The following PKNOX2 variants were observed in gnomAD, a reference collection of about 807,000 sequenced individuals.
PKNOX2 encodes PBX/knotted 1 homeobox 2.
Under a neutral mutation model 53.1 loss-of-function variants are expected in PKNOX2, and 14 were observed. The ratio of observed to expected loss-of-function variants is 0.26; its 90% confidence interval spans 0.17 to 0.41. PKNOX2 has a LOEUF of 0.41. PKNOX2 is among the 10% of genes least tolerant of loss of function. The pLI is 1.00. For synonymous variants in PKNOX2, 257 were observed against 242.8 expected (o/e 1.06, Z -0.54); for missense variants, 496 against 602.8 (o/e 0.82, Z 1.85).
chr11:125,238,103 G>T (rs562698210), intron 2 of PKNOX2, among the ~76,000 whole-genome samples: 4 of 152,084 alleles, frequency 2.6e-5, no homozygotes, highest in Non-Finnish European at 5.9e-5. Flanking sequence ...TTTCTGACCC[G>T]GATGCAGCTA....
chr11:125,405,433 C>T (rs1955027017), intron 7 of PKNOX2, among the ~76,000 whole-genome samples: 1 of 152,164 alleles, frequency 6.6e-6, no homozygotes, highest in African/African-American at 2.4e-5. Context: ...AGCACGGTGG[C>T]TCACAGGGAC....
intron 1 of PKNOX2, among the ~76,000 whole-genome samples, chr11:125,208,939 C>G (rs1321715991): frequency 6.6e-6 from 1 of 151,932 alleles, no homozygotes; most frequent in Non-Finnish European, 1.5e-5. Context: ...GGCAGCTGCA[C>G]TGGAGTTGTG....
intron 1 of PKNOX2, among the ~76,000 whole-genome samples, chr11:125,202,427 C>T (rs1051000402): frequency 2.6e-5 from 4 of 152,228 alleles, no homozygotes; most frequent in Admixed American, 2.6e-4. Flanking sequence ...CTCTTTACCT[C>T]TCCCCTCAGA....
intron 6 of PKNOX2, among the ~76,000 whole-genome samples, chr11:125,396,574 A>C (rs1393185266): frequency 7.9e-6 from 1 of 126,208 alleles, no homozygotes; most frequent in Non-Finnish European, 1.6e-5. Flanking sequence ...ATAATGCAGA[A>C]ACTTTTAAAA....
chr11:125,244,164 CCCA>C, intron 2 of PKNOX2, among the ~76,000 whole-genome samples: 1 of 152,206 alleles, frequency 6.6e-6, no homozygotes, highest in East Asian at 1.9e-4. Context: ...GCAAATCACC[CCCA>C]CATTTCTGAG....
chr11:125,431,628 GC>G lies in PKNOX2; in HGVS notation c.*238del, dbSNP rs1956707565. On this transcript the variant is annotated 3_prime_UTR_variant, in exon 13 of 13. Transcript: ENST00000298282. ...ACTGCCGAGGACTCTGTTTGGCGGGGCCAGTCGAGCAGCCTGTGTGGAAAGA... is the reference window on the plus strand; with the variant it reads ...ACTGCCGAGGACTCTGTTTGGCGGGGCAGTCGAGCAGCCTGTGTGGAAAGA... The G allele has an allele frequency of 1.8e-6, 1 of 545,876 alleles. No individual in the cohort carries two copies. The highest frequency in any genetic ancestry group is 3.2e-5 in the Admixed American group (1 of 31,738). 33.8% of individuals were successfully genotyped at this position (545,876 alleles called of 1,614,324 possible). A position where few individuals can be genotyped will look rare whatever the true frequency, so the allele number is the denominator to read the frequency against.
chr11:125,374,680 C>T (rs1325237820), intron 5 of PKNOX2, among the ~76,000 whole-genome samples: 3 of 152,156 alleles, frequency 2.0e-5, no homozygotes, highest in African/African-American at 7.2e-5. Context: ...CCTCCCTGAC[C>T]TAGGTAGAGC....
intron 6 of PKNOX2, among the ~76,000 whole-genome samples, chr11:125,386,220 G>A (rs1953619606): frequency 6.6e-6 from 1 of 152,210 alleles, no homozygotes; most frequent in Non-Finnish European, 1.5e-5. Context: ...TGTTCATTCT[G>A]GGGACAGGGT....
intron 7 of PKNOX2, among the ~76,000 whole-genome samples, chr11:125,405,747 C>T (rs968250235): frequency 6.6e-6 from 1 of 152,196 alleles, no homozygotes; most frequent in Non-Finnish European, 1.5e-5. Flanking sequence ...CTCTGCCCCT[C>T]CTGAGAGGCT....
rs569797057 is a variant in PKNOX2 at position 125,271,453 on chromosome 11, A to G, written c.-130+36338A>G. Among the ~76,000 whole-genome samples the G allele has an allele frequency of 2.3e-3, 345 of 152,186 alleles. 1 individual carries two copies. The highest frequency in any genetic ancestry group is 9.1e-3 in the South Asian group (44 of 4,810). On this transcript the variant is annotated intron_variant, in intron 2 of 12. Transcript: ENST00000298282. ...GAATAGACTTCCTCCCATAATTTGC[A>G]CCGGGGTTTCTTCCCTACCTCCATC... is the stretch of plus-strand genomic sequence containing the variant.
At chr11:125,288,422 A>G (rs1242968983) in intron 2 of PKNOX2, among the ~76,000 whole-genome samples, 1 of 152,182 alleles carries the variant, frequency 6.6e-6, no homozygotes, top group African/African-American at 2.4e-5. Context: ...ACTCTTCTCC[A>G]TCACAAACAC....
rs1591570380 is a variant in PKNOX2, at chr11:125,428,957, G to A, written c.937-55G>A. 31 of 1,540,788 alleles carry A rather than the reference G, an allele frequency of 2.0e-5. No individual in the cohort carries two copies. In the South Asian group the frequency reaches 2.8e-4, roughly 14 times the overall value. On this transcript the variant is annotated intron_variant, in intron 10 of 12. Transcript: ENST00000298282. ...CCCATGGCGTGGGCACAGTCCCTTG[G>A]GGGGGCCAGATCAGCATATGCCCAG...
intron 4 of PKNOX2, among the ~76,000 whole-genome samples, chr11:125,359,306 C>T (rs1001429583): frequency 2.0e-5 from 3 of 152,184 alleles, no homozygotes; most frequent in Non-Finnish European, 4.4e-5. Context: ...CGAAGGGTCC[C>T]TCTGCCCCAG....
chr11:125,278,236 A>T (rs1946314679), intron 2 of PKNOX2, among the ~76,000 whole-genome samples: 1 of 151,918 alleles, frequency 6.6e-6, no homozygotes, highest in African/African-American at 2.4e-5. Flanking sequence ...AAAAAAAAAA[A>T]ACTGTAGTGG....
chr11:125,418,839 C>T (rs1012952275), intron 10 of PKNOX2, among the ~76,000 whole-genome samples: 6 of 152,040 alleles, frequency 3.9e-5, no homozygotes, highest in African/African-American at 1.5e-4. Context: ...ATTCCCTAAA[C>T]AACACAGTAT....
intron 10 of PKNOX2, among the ~76,000 whole-genome samples, chr11:125,416,422 C>T (rs1955890308): frequency 1.3e-5 from 2 of 151,142 alleles, no homozygotes; most frequent in South Asian, 2.1e-4. Flanking sequence ...ATGTTTGTCT[C>T]ATCTGATCCT....
intron 1 of PKNOX2, among the ~76,000 whole-genome samples, chr11:125,207,230 C>T (rs1003100227): frequency 6.6e-6 from 1 of 152,076 alleles, no homozygotes; most frequent in Non-Finnish European, 1.5e-5. Context: ...CCTCCCTCCT[C>T]CCTTCCTTTC....
At chr11:125,416,976 G>A (rs1955919522) in intron 10 of PKNOX2, among the ~76,000 whole-genome samples, 1 of 152,026 alleles carries the variant, frequency 6.6e-6, no homozygotes, top group Non-Finnish European at 1.5e-5. Flanking sequence ...CCTTTTTGCT[G>A]TTAGGCTGCA....
intron 6 of PKNOX2, among the ~76,000 whole-genome samples, chr11:125,397,541 T>C (rs1833249687): frequency 6.6e-6 from 1 of 152,130 alleles, no homozygotes; most frequent in Non-Finnish European, 1.5e-5. Context: ...CTCACACAGA[T>C]AGTAAATGAC....
Sources: allele counts gnomAD v4.1 joint callset (sites outside exome capture counted in the v4.1 genomes callset), GRCh38; gene constraint gnomAD v4.1.1; transcripts MANE v1.5; gene names NCBI Gene and HGNC (gene_info 2026-07-23, HGNC 2026-07-21).